ASIC2: variants seen among roughly 807,000 people sequenced by gnomAD.
ASIC2 encodes the protein acid-sensing ion channel 2.
A neutral mutation model predicts 57.3 loss-of-function variants in ASIC2; 25 were observed. That is an observed-to-expected ratio of 0.44 (90% CI 0.32 to 0.61). ASIC2 has a LOEUF of 0.61. Ranked by LOEUF, ASIC2 falls within the 20% of genes least tolerant of loss-of-function variation. The pLI is 0.06. For missense variants in ASIC2, 641 were observed against 738.1 expected, an observed-to-expected ratio of 0.87 and a Z score of 1.52; for synonymous variants, 319 against 307.5, an observed-to-expected ratio of 1.04 and a Z score of -0.39.
chr17:33,445,645 A>G (rs1911986546), intron 1 of ASIC2, among the ~76,000 whole-genome samples: 1 of 151,778 alleles, frequency 6.6e-6, no homozygotes, highest in Non-Finnish European at 1.5e-5. Context: ...TAAAAATACA[A>G]AATTAGCTGG....
At chr17:34,105,462 T>C (rs986068444) in intron 1 of ASIC2, among the ~76,000 whole-genome samples, 9 of 146,690 alleles carry the variant, frequency 6.1e-5, no homozygotes, top group African/African-American at 2.3e-4. Context: ...GTTATCTTTA[T>C]TATTTCCTTT....
intron 1 of ASIC2, among the ~76,000 whole-genome samples, chr17:33,259,217 C>G (rs982461597): frequency 1.3e-5 from 2 of 152,094 alleles, no homozygotes; most frequent in African/African-American, 4.8e-5. Context: ...ATAAAAATAG[C>G]ACATTTCTAA....
chr17:33,413,569 C>G (rs1341357085), intron 1 of ASIC2, among the ~76,000 whole-genome samples: 1 of 152,242 alleles, frequency 6.6e-6, no homozygotes, highest in African/African-American at 2.4e-5. Flanking sequence ...CAAGGCCTCG[C>G]CTAGGCCCTT....
intron 1 of ASIC2, among the ~76,000 whole-genome samples, chr17:33,589,617 G>T (rs1257191144): frequency 2.6e-5 from 4 of 152,146 alleles, no homozygotes; most frequent in African/African-American, 9.7e-5. Flanking sequence ...GAATCACACA[G>T]TATTTATCTT....
chr17:33,291,083 G>T (rs1905414715), intron 1 of ASIC2: 1 of 343,138 alleles, frequency 2.9e-6, no homozygotes, highest in Non-Finnish European at 5.1e-6. Flanking sequence ...GCCTGGAGTT[G>T]AGGTCGGGAA....
intron 1 of ASIC2, among the ~76,000 whole-genome samples, chr17:33,247,771 A>G (rs1258127238): frequency 6.6e-6 from 1 of 152,076 alleles, no homozygotes; most frequent in Non-Finnish European, 1.5e-5. Flanking sequence ...AAAGGCGGGT[A>G]AGTTTTGGTT....
At chr17:34,143,316 T>C (rs1283522296) in intron 1 of ASIC2, among the ~76,000 whole-genome samples, 1 of 152,230 alleles carries the variant, frequency 6.6e-6, no homozygotes, top group Non-Finnish European at 1.5e-5. Flanking sequence ...GTACATGCTA[T>C]GGTTTGAATA....
chr17:33,873,352 G>C (rs973570394), intron 1 of ASIC2, among the ~76,000 whole-genome samples: 3 of 152,158 alleles, frequency 2.0e-5, no homozygotes, highest in Non-Finnish European at 4.4e-5. Context: ...AACTAGAATG[G>C]GTGATTGACT....
chr17:33,201,765 C>T (rs1031701182), intron 1 of ASIC2, among the ~76,000 whole-genome samples: 13 of 152,108 alleles, frequency 8.5e-5, no homozygotes, highest in Admixed American at 5.9e-4. Context: ...CATGGTGGCT[C>T]ACACCTGTAA....
At chr17:33,538,760 G>T (rs1239121368) in intron 1 of ASIC2, among the ~76,000 whole-genome samples, 1 of 152,184 alleles carries the variant, frequency 6.6e-6, no homozygotes, top group African/African-American at 2.4e-5. Context: ...TTTTCTACAA[G>T]GTAGATCCAT....
chr17:33,337,094 C>T (rs1907544406), intron 1 of ASIC2, among the ~76,000 whole-genome samples: 1 of 152,082 alleles, frequency 6.6e-6, no homozygotes, highest in Non-Finnish European at 1.5e-5. Flanking sequence ...TGCCCCCTCA[C>T]AGAGGGCCTT....
At chr17:33,807,518 C>G (rs565522824) in intron 1 of ASIC2, among the ~76,000 whole-genome samples, 1 of 152,270 alleles carries the variant, frequency 6.6e-6, no homozygotes, top group African/African-American at 2.4e-5. Context: ...AAGTGCAGGC[C>G]TACCAGAGGG....
At chr17:33,931,336 G>A (rs1915927342) in intron 1 of ASIC2, 1 of 152,172 alleles carries the variant, frequency 6.6e-6, no homozygotes, top group African/African-American at 2.4e-5. Flanking sequence ...AGCAGAACAG[G>A]CCAGGGATTT....
chr17:33,365,635 C>T (rs1404442216), intron 1 of ASIC2, among the ~76,000 whole-genome samples: 1 of 151,992 alleles, frequency 6.6e-6, no homozygotes, highest in Non-Finnish European at 1.5e-5. Flanking sequence ...GTCAGAAGAC[C>T]CTTAAACAAG....
At chr17:33,873,088 T>C (rs1433628696) in intron 1 of ASIC2, among the ~76,000 whole-genome samples, 1 of 152,214 alleles carries the variant, frequency 6.6e-6, no homozygotes, top group East Asian at 1.9e-4. Context: ...CGGCCCATTC[T>C]CCTTCATCAG....
rs922433735 is a variant in ASIC2, at chr17:33,556,630, C to G, written c.556-444563G>C. On this transcript the variant is annotated intron_variant, in intron 1 of 9. Transcript: ENST00000359872. ...CTAATCTAAAGGTTTGTGGCTGCAT[C>G]AGACACCCAAGTTTGGTAATGAGTG... Among the ~76,000 whole-genome samples the G allele has an allele frequency of 2.6e-5, 4 of 151,822 alleles. No homozygotes were observed. The East Asian group carries it at 7.7e-4, about 29-fold the overall frequency.
intron 1 of ASIC2, among the ~76,000 whole-genome samples, chr17:33,895,088 A>G (rs1915061196): frequency 6.6e-6 from 1 of 151,910 alleles, no homozygotes. Flanking sequence ...CAAGTCACCT[A>G]TGCTGTCCAG....
chr17:34,086,537 T>C (rs868229130), intron 1 of ASIC2, among the ~76,000 whole-genome samples: 1 of 152,148 alleles, frequency 6.6e-6, no homozygotes, highest in African/African-American at 2.4e-5. Context: ...TGGAGAGTTC[T>C]GTAGATGTCT....
chr17:34,113,566 A>C (rs937986161), intron 1 of ASIC2, among the ~76,000 whole-genome samples: 1 of 139,108 alleles, frequency 7.2e-6, no homozygotes, highest in Non-Finnish European at 1.5e-5. Flanking sequence ...TGTCTTAAGG[A>C]AAAAAAAAAA....
Sources: allele counts gnomAD v4.1 joint callset (sites outside exome capture counted in the v4.1 genomes callset), GRCh38; gene constraint gnomAD v4.1.1; transcripts MANE v1.5; gene names NCBI Gene and HGNC (gene_info 2026-07-23, HGNC 2026-07-21).